Variants in TEN1 observed in about 807,000 individuals in gnomAD.
TEN1 encodes TEN1 subunit of CST complex, also known as CST complex subunit TEN1.
TEN1 carries 6 observed loss-of-function variants against 9.3 expected under a neutral mutation model. That is an observed-to-expected ratio of 0.65 (90% CI 0.35 to 1.27). The LOEUF (loss-of-function observed/expected upper bound fraction) is 1.27. Ranked by LOEUF, TEN1 falls within the 50% of genes most tolerant of loss-of-function variation. The probability of loss-of-function intolerance (pLI) is 0.03; values close to 1 mark genes in which losing one functional copy is unlikely to be tolerated. For missense variants in TEN1, 149 were observed against 158.2 expected, an observed-to-expected ratio of 0.94 and a Z score of 0.31; for synonymous variants, 65 against 65.6, an observed-to-expected ratio of 0.99 and a Z score of 0.04.
At chr17:75,980,459 G>C (rs2066109750) in intron 1 of TEN1, among the ~76,000 whole-genome samples, 3 of 149,672 alleles carry the variant, frequency 2.0e-5, no homozygotes, top group Admixed American at 2.0e-4. Flanking sequence ...ACGGAGTCTC[G>C]CTCTGTCGCC....
At chr17:75,992,667 C>A (rs914744839) in intron 3 of TEN1, among the ~76,000 whole-genome samples, 9 of 151,604 alleles carry the variant, frequency 5.9e-5, no homozygotes, top group African/African-American at 2.2e-4. Flanking sequence ...CGCCCGCCAC[C>A]ACGCCTGGCT....
At chr17:75,986,401 T>A in intron 2 of TEN1, 117 bp downstream of exon 2, 1 of 1,048,090 alleles carries the variant, frequency 9.5e-7, no homozygotes, top group Non-Finnish European at 1.3e-6. Flanking sequence ...TATGTTAAAA[T>A]ACTAAAAAAA....
At chr17:75,986,594 G>A (rs1205760141) in intron 2 of TEN1, among the ~76,000 whole-genome samples, 2 of 151,936 alleles carry the variant, frequency 1.3e-5, no homozygotes, top group Non-Finnish European at 2.9e-5. Flanking sequence ...CCAGCTAATC[G>A]AGAGGCTGAG....
At chr17:75,998,816 G>T (rs534496145) in intron 3 of TEN1, among the ~76,000 whole-genome samples, 1 of 151,858 alleles carries the variant, frequency 6.6e-6, no homozygotes, top group African/African-American at 2.4e-5. Context: ...TCAGCCTCCC[G>T]AGTAGCTGGG....
At chr17:75,986,138 T>C in intron 1 of TEN1, 49 bp from the exon 2 acceptor site, 2 of 1,401,170 alleles carry the variant, frequency 1.4e-6, no homozygotes, top group Non-Finnish European at 2.0e-6. Context: ...TTGTAGTCTA[T>C]CCGGTTTATC....
intron 1 of TEN1, among the ~76,000 whole-genome samples, 171 bp downstream of exon 1, chr17:75,979,682 G>C (rs1229234828): frequency 6.6e-6 from 1 of 152,162 alleles, no homozygotes; most frequent in African/African-American, 2.4e-5. Context: ...GGGAGATGGG[G>C]CTTTGCGGAA....
chr17:75,986,045 A>C (rs562514051), intron 1 of TEN1, 142 bp from the exon 2 acceptor site: 1 of 575,586 alleles, frequency 1.7e-6, no homozygotes, highest in Non-Finnish European at 2.8e-6. Flanking sequence ...CCCCCAAAAA[A>C]TTTTTTTTTT....
At chr17:75,983,160 A>G (rs953599910) in intron 1 of TEN1, among the ~76,000 whole-genome samples, 39 of 151,734 alleles carry the variant, frequency 2.6e-4, no homozygotes, top group Non-Finnish European at 5.0e-4. Flanking sequence ...ACACGCCTGT[A>G]TTCCCAGCTA....
intron 1 of TEN1, among the ~76,000 whole-genome samples, chr17:75,981,980 T>C (rs1425815502): frequency 1.3e-5 from 2 of 152,132 alleles, no homozygotes; most frequent in Non-Finnish European, 2.9e-5. Flanking sequence ...TGAGCCGAGA[T>C]TGCACCACTG....
chr17:76,000,440 AC>A lies in TEN1; in HGVS notation c.*181del. 3.1e-6 allele frequency: 3 copies of A among 957,670 alleles called. No homozygotes were observed. Among genetic ancestry groups the A allele is most frequent in the Non-Finnish European group, 4.5e-6 (3 of 672,910 alleles). The allele number at this position is 957,670 out of a possible 1,614,324, so 59.3% of individuals were successfully genotyped here. A position where few individuals can be genotyped will look rare whatever the true frequency, so the allele number is the denominator to read the frequency against. On this transcript the variant is annotated 3_prime_UTR_variant, in exon 4 of 4. Transcript: ENST00000397640. This position sits in a 1 kb window ranked among gnomAD's most constrained non-coding sequence, Gnocchi z 5.9. ...CTTTGGGATTGGCTCAGCAATGAGA[AC>A]CCAGAAAGCATGCCATAAATCCGAC...
At chr17:75,984,178 AC>A (rs1318018718) in intron 1 of TEN1, among the ~76,000 whole-genome samples, 2 of 152,104 alleles carry the variant, frequency 1.3e-5, no homozygotes, top group African/African-American at 4.8e-5. Flanking sequence ...CAAGAGGGGG[AC>A]TGGCTAGATC....
intron 1 of TEN1, among the ~76,000 whole-genome samples, chr17:75,982,342 G>A (rs1271532659): frequency 1.3e-5 from 2 of 152,148 alleles, no homozygotes; most frequent in African/African-American, 2.4e-5. Context: ...CCTTCTGAAG[G>A]CTCCCATATG....
chr17:75,997,204 C>T (rs958718567), intron 3 of TEN1, among the ~76,000 whole-genome samples: 10 of 152,136 alleles, frequency 6.6e-5, no homozygotes, highest in Admixed American at 6.6e-4. Context: ...CACTCCTGCC[C>T]CAAGACCCCA....
intron 1 of TEN1, among the ~76,000 whole-genome samples, chr17:75,983,194 T>C (rs986779239): frequency 1.9e-4 from 28 of 150,838 alleles, no homozygotes; most frequent in African/African-American, 6.8e-4. Context: ...GGCAGGAAAA[T>C]CGCTTGAACC....
chr17:75,988,071 C>T (rs2066162948), intron 2 of TEN1, among the ~76,000 whole-genome samples: 1 of 151,286 alleles, frequency 6.6e-6, no homozygotes, highest in African/African-American at 2.4e-5. Context: ...GAAACCCCGT[C>T]TCTATAAAAA....
chr17:75,986,107 A>G, intron 1 of TEN1, 80 bp from the exon 2 acceptor site: 1 of 1,147,414 alleles, frequency 8.7e-7, no homozygotes, highest in Non-Finnish European at 1.2e-6. Flanking sequence ...TGTTGGTCTC[A>G]TATATCTGCT....
At chr17:75,994,453 G>GA (rs1174352066) in intron 3 of TEN1, among the ~76,000 whole-genome samples, 1 of 148,754 alleles carries the variant, frequency 6.7e-6, no homozygotes, top group Non-Finnish European at 1.5e-5. Context: ...AAAAGAAAAA[G>GA]AAAAAGTTTG....
At chr17:75,991,718 G>A in intron 3 of TEN1, 95 bp downstream of exon 3, 1 of 1,372,716 alleles carries the variant, frequency 7.3e-7, no homozygotes, top group East Asian at 2.5e-5. Context: ...TGACCCAACA[G>A]CAATGTCTCA....
At chr17:75,983,282 A>T (rs1020273758) in intron 1 of TEN1, among the ~76,000 whole-genome samples, 1 of 151,842 alleles carries the variant, frequency 6.6e-6, no homozygotes. Flanking sequence ...CTCCATCTCA[A>T]AAAAGAAAGA....
Sources: allele counts gnomAD v4.1 joint callset (sites outside exome capture counted in the v4.1 genomes callset), GRCh38; gene constraint gnomAD v4.1.1; non-coding constraint Gnocchi (gnomAD v3.1); transcripts MANE v1.5; gene names NCBI Gene and HGNC (gene_info 2026-07-23, HGNC 2026-07-21).